Variants in PEBP1 observed in about 807,000 individuals in gnomAD.
PEBP1 encodes phosphatidylethanolamine binding protein 1.
In PEBP1, 17 loss-of-function variants were observed where a neutral mutation model predicts 22.7. The ratio of observed to expected loss-of-function variants is 0.75; its 90% CI spans 0.51 to 1.12. The LOEUF is 1.12. Ranked by LOEUF, PEBP1 falls within the 50% of genes most tolerant of loss-of-function variation. The pLI is 0.00. For synonymous variants in PEBP1, 106 were observed against 104.3 expected (o/e 1.02, Z -0.10); for missense variants, 205 against 243.5 (o/e 0.84, Z 1.05).
At chr12:118,138,407 T>G (rs546137948) in intron 2 of PEBP1, among the ~76,000 whole-genome samples, 56 of 152,242 alleles carry the variant, frequency 3.7e-4, no homozygotes, top group African/African-American at 1.3e-3. Flanking sequence ...TAGTTATTTA[T>G]TTTTTATTTT....
chr12:118,144,187 TG>T (rs1261416718), intron 3 of PEBP1, among the ~76,000 whole-genome samples: 1 of 151,684 alleles, frequency 6.6e-6, no homozygotes, highest in Non-Finnish European at 1.5e-5. Flanking sequence ...GGTGTTCTGA[TG>T]GGGGGTGGTG....
At position 118,136,342 on chromosome 12, in the gene PEBP1, C is replaced by G; in HGVS notation, c.133C>G (p.Gln45Glu). The stretch of plus-strand genomic sequence containing the variant: ...GCTGGGCAAAGTGCTGACGCCCACC[C>G]AGGTACACCGGGCGGCGGGCGTGCA... ...DELGKVLTPT[Q>E]VKNRPTSISW... Residue 45 changes from glutamine to glutamate, a missense_variant and splice_region_variant, in exon 1 of 4, where the codon CAG (glutamine) becomes GAG (glutamate). By Grantham distance (29) the Gln-to-Glu change is conservative (BLOSUM62 2). Coordinates refer to ENST00000261313, the MANE Select transcript of PEBP1 (RefSeq NM_002567.4). This position sits in a 1 kb window ranked among gnomAD's most constrained non-coding sequence, Gnocchi z 5.6. 1 of 1,540,440 alleles carries G rather than the reference C, an allele frequency of 6.5e-7. No individual in the cohort carries two copies. The highest frequency in any genetic ancestry group is 1.2e-5 in the South Asian group (1 of 83,878).
chr12:118,145,165 G>GT lies in PEBP1; in HGVS notation c.*365dup, dbSNP rs2034146543. ...AAGCATCAAAGAATCTTTAAGGGAG[G>GT]TTTAAAAAAAAAAAAAAAAAAAAAG... On this transcript the variant is annotated 3_prime_UTR_variant, in exon 4 of 4. Coordinates refer to ENST00000261313, the MANE Select transcript of PEBP1 (RefSeq NM_002567.4). The GT allele has an allele frequency of 1.2e-5, 3 of 254,284 alleles. No homozygotes were observed. The highest frequency in any genetic ancestry group is 1.0e-4 in the Admixed American group (2 of 19,734). The allele number at this position is 254,284 out of a possible 1,614,324, so 15.8% of individuals were successfully genotyped here.
intron 3 of PEBP1, among the ~76,000 whole-genome samples, chr12:118,140,957 T>A (rs1370057330): frequency 6.6e-6 from 1 of 152,124 alleles, no homozygotes. Flanking sequence ...AAGGGTTCAG[T>A]CAGCAAATGT....
chr12:118,139,369 G>A, intron 2 of PEBP1, 82 bp from the exon 3 acceptor site: 4 of 902,508 alleles, frequency 4.4e-6, no homozygotes, highest in Middle Eastern at 3.4e-4. Flanking sequence ...CAGCCAGCAT[G>A]TTCTTGATGC....
Position 118,144,139 on chromosome 12 carries a change from T to A in PEBP1, c.347-447T>A, listed in dbSNP as rs548048927. Among the ~76,000 whole-genome samples, 19 of 152,230 alleles carry A rather than the reference T, an allele frequency of 1.2e-4. No individual in the cohort carries two copies. The South Asian group carries it at 3.9e-3, about 32-fold the overall frequency. On this transcript the variant is annotated intron_variant, in intron 3 of 3. Transcript: ENST00000261313. ...GGGCCCGGGTCATTGATTTGCTTTG[T>A]CCTTAATTGGTTGCTCCTACCTGAC...
At position 118,145,308 on chromosome 12, in the gene PEBP1, G is replaced by A. The variant is rs1268070163; in HGVS notation, c.*505G>A. 10 of 301,918 alleles carry A rather than the reference G, an allele frequency of 3.3e-5. No individual in the cohort carries two copies. Among genetic ancestry groups the A allele is most frequent in the South Asian group, 2.1e-4 (7 of 33,634 alleles). 18.7% of individuals were successfully genotyped at this position (301,918 alleles called of 1,614,324 possible). The stretch of plus-strand genomic sequence containing the variant: ...CATTGAGGCTAACCTCCAACACAGT[G>A]CATCTCAGATGCCTCAGTAGGCATC... On this transcript the variant is annotated 3_prime_UTR_variant, in exon 4 of 4. Transcript: ENST00000261313.
At position 118,138,080 on chromosome 12, in the gene PEBP1, T is replaced by A. The variant is rs1312339100; in HGVS notation, c.177T>A (p.Asp59Glu). Residue 59 changes from aspartate to glutamate, a missense_variant, in exon 2 of 4, where the codon GAT (aspartate) becomes GAA (glutamate). Physicochemically the swap from Asp to Glu is conservative, Grantham distance 45. Transcript: ENST00000261313. ...RPTSISWDGL[D>E]SGKLYTLVLT... Reference sequence around the variant, plus strand: ...CCAGCATTTCGTGGGATGGTCTTGATTCAGGGAAGCTCTACACCTTGGTCC... The same window carrying A: ...CCAGCATTTCGTGGGATGGTCTTGAATCAGGGAAGCTCTACACCTTGGTCC... 6.2e-7 allele frequency: 1 copy of A among 1,613,764 alleles called. No homozygotes were observed. Among genetic ancestry groups the A allele is most frequent in the Non-Finnish European group, 8.5e-7 (1 of 1,179,910 alleles).
intron 3 of PEBP1, among the ~76,000 whole-genome samples, chr12:118,142,028 T>C (rs1240416076): frequency 6.6e-6 from 1 of 152,018 alleles, no homozygotes; most frequent in Non-Finnish European, 1.5e-5. Flanking sequence ...AAAAGAAATT[T>C]GGGCACATGC....
Position 118,145,356 on chromosome 12 carries a change from A to G in PEBP1, c.*553A>G, listed in dbSNP as rs1044197644. On this transcript the variant is annotated 3_prime_UTR_variant, in exon 4 of 4. Transcript: ENST00000261313. The stretch of plus-strand genomic sequence containing the variant: ...ATCAGTATGTCACTCTGGTCCCTTT[A>G]AAGAGCAATCCTGGAAGAAGCAGGA... 4 of 207,916 alleles carry G rather than the reference A, an allele frequency of 1.9e-5. No homozygotes were observed. The highest frequency in any genetic ancestry group is 7.1e-5 in the African/African-American group (3 of 42,092). The allele number at this position is 207,916 out of a possible 1,614,324, so 12.9% of individuals were successfully genotyped here. A position where few individuals can be genotyped will look rare whatever the true frequency, so the allele number is the denominator to read the frequency against.
intron 2 of PEBP1, 79 bp from the exon 3 acceptor site, chr12:118,139,372 C>G (rs1256184027): frequency 3.3e-6 from 3 of 923,074 alleles, no homozygotes. Context: ...CCAGCATGTT[C>G]TTGATGCCCA....
In PEBP1 at chr12:118,136,413, C is replaced by T; in HGVS notation, c.135+69C>T. On this transcript the variant is annotated intron_variant, in intron 1 of 3. Coordinates refer to ENST00000261313, the MANE Select transcript of PEBP1 (RefSeq NM_002567.4). This position sits in a 1 kb window ranked among gnomAD's most constrained non-coding sequence, Gnocchi z 5.6. ...GCCTGTGCCGGCCTCCTGGGTGGGA[C>T]CCAGCGGAGACAGGGCCAGGGGCGG... The T allele has an allele frequency of 1.4e-6, 2 of 1,474,856 alleles. No individual in the cohort carries two copies. Among genetic ancestry groups the T allele is most frequent in the Non-Finnish European group, 1.8e-6 (2 of 1,116,972 alleles). The allele number at this position is 1,474,856 out of a possible 1,614,324, so 91.4% of individuals were successfully genotyped here.
chr12:118,142,174 CTT>C (rs897008585), intron 3 of PEBP1, among the ~76,000 whole-genome samples: 14 of 125,410 alleles, frequency 1.1e-4, no homozygotes, highest in Admixed American at 2.5e-4. Context: ...GCCATGCATT[CTT>C]TTTTTTTTTT....
rs1445566274 is a variant in PEBP1 at position 118,136,528 on chromosome 12, G to T, written c.135+184G>T. Among the ~76,000 whole-genome samples the T allele has an allele frequency of 2.6e-5, 4 of 152,226 alleles. No homozygotes were observed. The highest frequency in any genetic ancestry group is 5.9e-5 in the Non-Finnish European group (4 of 68,036). ...ATGCCTGGGGGCCACCCCGAGCACC[G>T]GGAACCCGGCCTGTGGCGTGGCCAG... On this transcript the variant is annotated intron_variant, in intron 1 of 3. Coordinates refer to ENST00000261313, the MANE Select transcript of PEBP1 (RefSeq NM_002567.4). The surrounding 1 kb of genome is among the most constrained non-coding windows in gnomAD (Gnocchi z 5.6).
In PEBP1 at chr12:118,136,691, G is replaced by A. The variant is rs2138079904; in HGVS notation, c.135+347G>A. 6.6e-6 allele frequency among the ~76,000 whole-genome samples: 1 copy of A among 152,372 alleles called. No homozygotes were observed. Among genetic ancestry groups the A allele is most frequent in the South Asian group, 2.1e-4 (1 of 4,828 alleles). ...TGGAGAGGGACGTCGCCGGGACAGA[G>A]TAGGCTGTGGCTGCCCGGACGCCCC... On this transcript the variant is annotated intron_variant, in intron 1 of 3. Transcript: ENST00000261313. This position sits in a 1 kb window ranked among gnomAD's most constrained non-coding sequence, Gnocchi z 5.6.
At chr12:118,142,697 A>G (rs2454761) in intron 3 of PEBP1, among the ~76,000 whole-genome samples, 98,380 of 151,256 alleles carry the variant, frequency 0.65, 32,238 homozygotes, top group South Asian at 0.75. Flanking sequence ...AGCTGGTCTC[A>G]AATTCCTGAC....
In PEBP1 at chr12:118,144,447, C is replaced by A. The variant is rs1188212843; in HGVS notation, c.347-139C>A. On this transcript the variant is annotated intron_variant, in intron 3 of 3. Coordinates refer to ENST00000261313, the MANE Select transcript of PEBP1 (RefSeq NM_002567.4). The stretch of plus-strand genomic sequence containing the variant: ...ATTAAATGTTAATTTGCACCAAATA[C>A]CTGTCTGGACCCTCGGTGTCCTCCT... The A allele has an allele frequency of 2.1e-5, 16 of 762,710 alleles. No individual in the cohort carries two copies. The East Asian group carries it at 3.0e-4, about 14-fold the overall frequency. 47.2% of individuals were successfully genotyped at this position (762,710 alleles called of 1,614,324 possible).
In PEBP1 at chr12:118,138,200, G is replaced by A. The variant is rs747050373; in HGVS notation, c.245+52G>A. ...CAGGTCATGCAGAGATGAGTTATCG[G>A]GTGTAAGTCCCTTGCTGGACACAGA... On this transcript the variant is annotated intron_variant, in intron 2 of 3. Coordinates refer to ENST00000261313, the MANE Select transcript of PEBP1 (RefSeq NM_002567.4). 3.1e-5 allele frequency: 38 copies of A among 1,215,752 alleles called. No homozygotes were observed. In the Admixed American group the frequency reaches 6.7e-4, roughly 22 times the overall value. 75.3% of individuals were successfully genotyped at this position (1,215,752 alleles called of 1,614,324 possible). A position where few individuals can be genotyped will look rare whatever the true frequency, so the allele number is the denominator to read the frequency against.
In PEBP1 at chr12:118,137,934, TCC is replaced by T. The variant is rs2034080695; in HGVS notation, c.136-104_136-103del. The stretch of plus-strand genomic sequence containing the variant: ...ACCCCTGACCTCAAGTGATCCTCTC[TCC>T]TAGGCCTCCCAAAGTGCTGGGATTA... On this transcript the variant is annotated intron_variant, in intron 1 of 3. Transcript: ENST00000261313. 5 of 746,416 alleles carry T rather than the reference TCC, an allele frequency of 6.7e-6. No individual in the cohort carries two copies. In the Admixed American group the frequency reaches 1.0e-4, roughly 15 times the overall value. The allele number at this position is 746,416 out of a possible 1,614,324, so 46.2% of individuals were successfully genotyped here.
Sources: allele counts gnomAD v4.1 joint callset (sites outside exome capture counted in the v4.1 genomes callset), GRCh38; gene constraint gnomAD v4.1.1; non-coding constraint Gnocchi (gnomAD v3.1); transcripts MANE v1.5; gene names NCBI Gene and HGNC (gene_info 2026-07-23, HGNC 2026-07-21).